Variants in NBEA observed in about 807,000 individuals in gnomAD.
NBEA encodes the protein lysosomal-trafficking regulator 2.
Under a neutral mutation model 343.4 loss-of-function variants are expected in NBEA, and 44 were observed. The observed-to-expected ratio is 0.13, with a 90% CI of 0.10 to 0.16. The LOEUF (loss-of-function observed/expected upper bound fraction) is 0.16, where lower values mean the gene tolerates loss of function less well. Ranked by LOEUF, NBEA falls within the 10% of genes least tolerant of loss-of-function variation. NBEA has a pLI of 1.00. For missense variants in NBEA, 2,555 were observed against 3,631.3 expected, an observed-to-expected ratio of 0.70 and a Z score of 7.62; for synonymous variants, 1,175 against 1,238.7, an observed-to-expected ratio of 0.95 and a Z score of 1.08.
intron 4 of NBEA, among the ~76,000 whole-genome samples, chr13:35,046,420 C>G (rs1481627709): frequency 2.6e-5 from 4 of 152,086 alleles, no homozygotes; most frequent in Non-Finnish European, 5.9e-5. Context: ...CCCACTTGAT[C>G]TGCATCCTGA....
chr13:34,985,251 G>C (rs1329058638), intron 1 of NBEA, among the ~76,000 whole-genome samples: 1 of 150,882 alleles, frequency 6.6e-6, no homozygotes, highest in African/African-American at 2.4e-5. Flanking sequence ...AGCATCAAAG[G>C]CTGTTGCATT....
chr13:35,284,216 A>AATATATCT (rs2035267315), intron 34 of NBEA, among the ~76,000 whole-genome samples: 1 of 152,160 alleles, frequency 6.6e-6, no homozygotes, highest in Non-Finnish European at 1.5e-5. Context: ...GCTGCCCCCT[A>AATATATCT]ATATATCTGG....
At chr13:35,121,216 T>C (rs1433818473) in intron 16 of NBEA, among the ~76,000 whole-genome samples, 1 of 152,158 alleles carries the variant, frequency 6.6e-6, no homozygotes, top group Non-Finnish European at 1.5e-5. Flanking sequence ...GCAATTCTCA[T>C]GCCTTAGCTT....
chr13:35,035,531 G>A (rs73167744), intron 1 of NBEA, among the ~76,000 whole-genome samples: 3,935 of 152,042 alleles, frequency 0.026, 64 homozygotes, highest in African/African-American at 0.045. Flanking sequence ...GCTCAATTTG[G>A]TCTGTAGTGC....
At chr13:35,448,935 G>A (rs1811623955) in intron 39 of NBEA, among the ~76,000 whole-genome samples, 1 of 152,192 alleles carries the variant, frequency 6.6e-6, no homozygotes, top group African/African-American at 2.4e-5. Flanking sequence ...GGTTTGTTAG[G>A]AAAGGCAACT....
At chr13:35,404,541 G>A (rs2043166486) in intron 38 of NBEA, among the ~76,000 whole-genome samples, 2 of 145,832 alleles carry the variant, frequency 1.4e-5, no homozygotes, top group African/African-American at 5.1e-5. Context: ...CTCATAGGTG[G>A]GAATTGAACA....
intron 41 of NBEA, among the ~76,000 whole-genome samples, chr13:35,521,753 A>G (rs2077724270): frequency 6.6e-6 from 1 of 152,188 alleles, no homozygotes; most frequent in Non-Finnish European, 1.5e-5. Context: ...TCGGCAACAA[A>G]TGTTCACCCT....
At chr13:35,096,372 ATAATAT>A (rs1593329988) in intron 10 of NBEA, among the ~76,000 whole-genome samples, 1 of 151,756 alleles carries the variant, frequency 6.6e-6, no homozygotes, top group Non-Finnish European at 1.5e-5. Context: ...TTTTGGAATA[ATAATAT>A]TAATATTTCT....
intron 41 of NBEA, among the ~76,000 whole-genome samples, chr13:35,545,067 T>G (rs1469592644): frequency 1.3e-5 from 2 of 152,044 alleles, no homozygotes; most frequent in Non-Finnish European, 2.9e-5. Flanking sequence ...AAAAGCAAAC[T>G]GAAAGAATTA....
At chr13:35,240,853 A>G (rs1020414303) in intron 34 of NBEA, among the ~76,000 whole-genome samples, 1 of 151,776 alleles carries the variant, frequency 6.6e-6, no homozygotes, top group Non-Finnish European at 1.5e-5. Context: ...TTCTTTAGCT[A>G]TTTAGTGGTT....
chr13:35,251,722 C>T (rs2031986195), intron 34 of NBEA: 1 of 306,742 alleles, frequency 3.3e-6, no homozygotes, highest in Non-Finnish European at 5.7e-6. Flanking sequence ...CCGGGGATGA[C>T]TACCCGATGG....
chr13:35,271,522 G>A (rs2034148750), intron 34 of NBEA, among the ~76,000 whole-genome samples: 1 of 152,196 alleles, frequency 6.6e-6, no homozygotes, highest in Non-Finnish European at 1.5e-5. Flanking sequence ...CGAGTTGACA[G>A]AAGTAGGCTT....
intron 40 of NBEA, among the ~76,000 whole-genome samples, chr13:35,466,228 T>A (rs1337545853): frequency 6.6e-6 from 1 of 152,170 alleles, no homozygotes; most frequent in Non-Finnish European, 1.5e-5. Flanking sequence ...TTATTGTTAA[T>A]CTTAGTGTTA....
chr13:35,019,793 A>G (rs2061772713), intron 1 of NBEA, among the ~76,000 whole-genome samples: 1 of 152,190 alleles, frequency 6.6e-6, no homozygotes, highest in African/African-American at 2.4e-5. Context: ...TCATAGGTAT[A>G]AAGTTGTTCA....
At chr13:35,314,330 T>C (rs1287895914) in intron 36 of NBEA, among the ~76,000 whole-genome samples, 2 of 152,168 alleles carry the variant, frequency 1.3e-5, no homozygotes, top group Admixed American at 6.5e-5. Context: ...TTGAGGTTGC[T>C]GTCTTTGATA....
chr13:35,234,771 A>G (rs1296941558), intron 34 of NBEA, among the ~76,000 whole-genome samples: 1 of 152,152 alleles, frequency 6.6e-6, no homozygotes, highest in Admixed American at 6.6e-5. Flanking sequence ...TGAATTCCAG[A>G]CATAGTTGAA....
intron 34 of NBEA, among the ~76,000 whole-genome samples, chr13:35,274,433 A>T (rs976513027): frequency 3.3e-5 from 5 of 152,230 alleles, no homozygotes; most frequent in Admixed American, 2.6e-4. Flanking sequence ...AACTGGAAGC[A>T]TTCCCTTTGA....
At position 35,102,506 on chromosome 13, in the gene NBEA, G is replaced by T. The variant is rs112780634; in HGVS notation, c.1680+4101G>T. On this transcript the variant is annotated intron_variant, in intron 11 of 58. Transcript: ENST00000379939. ...ATCTTTCCTATATTGAATCTTTCAGGTTATATACTTGGTATATTCTTTTAC... is the reference window on the plus strand; with the variant it reads ...ATCTTTCCTATATTGAATCTTTCAGTTTATATACTTGGTATATTCTTTTAC... 8.7e-3 allele frequency among the ~76,000 whole-genome samples: 1,324 copies of T among 151,392 alleles called. 18 individuals carry two copies. The highest frequency in any genetic ancestry group is 0.03 in the African/African-American group (1,249 of 41,368).
chr13:35,629,603 A>G (rs910425251), intron 49 of NBEA, among the ~76,000 whole-genome samples: 1 of 152,188 alleles, frequency 6.6e-6, no homozygotes, highest in African/African-American at 2.4e-5. Flanking sequence ...AAAAACATAG[A>G]GACAGAATGA....
Sources: gnomAD v4.1 joint callset for allele counts (sites outside exome capture counted in the v4.1 genomes callset) on GRCh38, gnomAD v4.1.1 for gene constraint, MANE v1.5 for transcripts, NCBI Gene and HGNC (gene_info 2026-07-23, HGNC 2026-07-21) for gene names.